CNTN4: variants seen among roughly 807,000 people sequenced by gnomAD.
The protein encoded by CNTN4 is contactin 4, also known as contactin-4.
CNTN4 carries 77 observed loss-of-function variants against 122.5 expected under a neutral mutation model. That is an observed-to-expected ratio of 0.63 (90% CI 0.52 to 0.76). The LOEUF (loss-of-function observed/expected upper bound fraction) is 0.76, where lower values mean the gene tolerates loss of function less well. Among genes scored for constraint, CNTN4 ranks in the 30% least tolerant of loss-of-function variants. The pLI, the probability that CNTN4 is intolerant of heterozygous loss-of-function variation, is 0.00. For synonymous variants in CNTN4, 512 were observed against 447.0 expected, an observed-to-expected ratio of 1.15 and a Z score of -1.83; for missense variants, 1,256 against 1,259.1, an observed-to-expected ratio of 1.00 and a Z score of 0.04.
rs148011992 is a variant in CNTN4 at position 2,577,890 on chromosome 3, G to C, written c.55+6332G>C. ...AGGCTAAATTTATTCCCATCTCTGT[G>C]GTGCAGTTTACCAACTTCAGCAATT... On this transcript the variant is annotated intron_variant, in intron 4 of 24. Coordinates refer to ENST00000418658, the MANE Select transcript of CNTN4 (RefSeq NM_175607.3). Among the ~76,000 whole-genome samples, 213 of 152,196 alleles carry C rather than the reference G, an allele frequency of 1.4e-3. 1 individual carries two copies. Among genetic ancestry groups the C allele is most frequent in the African/African-American group, 5.0e-3 (207 of 41,520 alleles).
chr3:2,809,180 G>A (rs2092544976), intron 6 of CNTN4, among the ~76,000 whole-genome samples: 1 of 152,190 alleles, frequency 6.6e-6, no homozygotes, highest in Non-Finnish European at 1.5e-5. Context: ...TTTCTGGGAA[G>A]GATGTAGTAA....
intron 7 of CNTN4, among the ~76,000 whole-genome samples, chr3:2,846,505 C>A (rs1435391313): frequency 6.6e-6 from 1 of 152,102 alleles, no homozygotes; most frequent in Non-Finnish European, 1.5e-5. Context: ...TCAGGTATGT[C>A]TTTATTAGCA....
At chr3:2,124,437 C>CACACACACACACACAG (rs2033999381) in intron 2 of CNTN4, among the ~76,000 whole-genome samples, 1 of 107,894 alleles carries the variant, frequency 9.3e-6, no homozygotes, top group Admixed American at 9.2e-5. Context: ...ATTTAAAACA[C>CACACACACACACACAG]ACACACACAC....
chr3:2,623,835 G>A (rs2600307), intron 4 of CNTN4, among the ~76,000 whole-genome samples: 67,406 of 151,982 alleles, frequency 0.44, 15,408 homozygotes, highest in East Asian at 0.7. Flanking sequence ...AGTGAGTTTG[G>A]AGAAGCAAAA....
intron 20 of CNTN4, among the ~76,000 whole-genome samples, chr3:3,041,846 G>C (rs923237681): frequency 2.0e-5 from 3 of 152,174 alleles, no homozygotes; most frequent in African/African-American, 7.2e-5. Flanking sequence ...TGTGGTCCCA[G>C]CTACTTGGGA....
intron 2 of CNTN4, among the ~76,000 whole-genome samples, chr3:2,258,513 A>G (rs2040692289): frequency 6.6e-6 from 1 of 152,172 alleles, no homozygotes; most frequent in Non-Finnish European, 1.5e-5. Context: ...ATATATTAAC[A>G]TTAGCTATTG....
At chr3:2,244,989 T>A (rs2040085979) in intron 2 of CNTN4, among the ~76,000 whole-genome samples, 1 of 152,088 alleles carries the variant, frequency 6.6e-6, no homozygotes, top group Non-Finnish European at 1.5e-5. Context: ...TACTGTAATA[T>A]TTTAATTAAA....
chr3:2,297,150 T>G (rs1447309429), intron 2 of CNTN4, among the ~76,000 whole-genome samples: 1 of 152,214 alleles, frequency 6.6e-6, no homozygotes, highest in Non-Finnish European at 1.5e-5. Flanking sequence ...AACCGTAATG[T>G]CTTTCAATCA....
intron 2 of CNTN4, among the ~76,000 whole-genome samples, chr3:2,225,284 G>A (rs1014828717): frequency 3.9e-5 from 6 of 151,918 alleles, no homozygotes; most frequent in African/African-American, 1.5e-4. Context: ...GGAGGCCGAG[G>A]CGGGTGGATC....
At chr3:2,370,233 A>G (rs2045581152) in intron 3 of CNTN4, among the ~76,000 whole-genome samples, 1 of 152,224 alleles carries the variant, frequency 6.6e-6, no homozygotes, top group African/African-American at 2.4e-5. Flanking sequence ...GATATTTAAT[A>G]TCTTTGAAAG....
At chr3:2,317,591 T>C (rs1011182543) in intron 2 of CNTN4, among the ~76,000 whole-genome samples, 3 of 152,200 alleles carry the variant, frequency 2.0e-5, no homozygotes, top group Admixed American at 2.0e-4. Flanking sequence ...ATGTGTACTC[T>C]TTGGCCTACC....
chr3:3,014,761 T>A (rs1300282622), intron 14 of CNTN4, among the ~76,000 whole-genome samples: 1 of 151,964 alleles, frequency 6.6e-6, no homozygotes, highest in Non-Finnish European at 1.5e-5. Context: ...TTAAATTATT[T>A]GATGTATCTT....
At chr3:2,895,228 G>A (rs947739849) in intron 10 of CNTN4, among the ~76,000 whole-genome samples, 6 of 152,042 alleles carry the variant, frequency 3.9e-5, no homozygotes, top group Admixed American at 1.3e-4. Context: ...CACCTGCCTC[G>A]GCCTCCCAAA....
intron 4 of CNTN4, among the ~76,000 whole-genome samples, chr3:2,629,094 A>C (rs575943714): frequency 1.9e-4 from 29 of 152,150 alleles, no homozygotes; most frequent in Non-Finnish European, 4.1e-4. Context: ...TCCCCCCTCA[A>C]ATTGAAGCCT....
At chr3:2,384,366 T>A (rs112054347) in intron 3 of CNTN4, among the ~76,000 whole-genome samples, 8 of 152,260 alleles carry the variant, frequency 5.3e-5, no homozygotes, top group Middle Eastern at 3.4e-3. Context: ...AAAGTTCTCA[T>A]CTTACCATCT....
At chr3:2,601,196 T>G (rs1241515039) in intron 4 of CNTN4, among the ~76,000 whole-genome samples, 1 of 152,220 alleles carries the variant, frequency 6.6e-6, no homozygotes, top group African/African-American at 2.4e-5. Context: ...GCAGAAGCTC[T>G]TTAGTTTAAT....
At chr3:2,530,569 A>C (rs1328060936) in intron 3 of CNTN4, among the ~76,000 whole-genome samples, 1 of 151,864 alleles carries the variant, frequency 6.6e-6, no homozygotes, top group Non-Finnish European at 1.5e-5. Flanking sequence ...CAGCCTCCCA[A>C]AGTGCTGGGA....
intron 2 of CNTN4, among the ~76,000 whole-genome samples, chr3:2,142,524 T>A (rs1474407384): frequency 6.6e-6 from 1 of 152,142 alleles, no homozygotes; most frequent in Non-Finnish European, 1.5e-5. Context: ...CCATCATGCC[T>A]GGCTAATTTT....
chr3:2,599,315 A>T (rs2080918533), intron 4 of CNTN4, among the ~76,000 whole-genome samples: 1 of 152,216 alleles, frequency 6.6e-6, no homozygotes, highest in Non-Finnish European at 1.5e-5. Flanking sequence ...AGAGCTGGTA[A>T]ATGGTGAAGA....
Sources: gnomAD v4.1 joint callset for allele counts (sites outside exome capture counted in the v4.1 genomes callset) on GRCh38, gnomAD v4.1.1 for gene constraint, MANE v1.5 for transcripts, NCBI Gene and HGNC (gene_info 2026-07-23, HGNC 2026-07-21) for gene names.